Variants in NFX1 observed in about 807,000 individuals in gnomAD.
The protein encoded by NFX1 is transcriptional repressor NF-X1.
Under a neutral mutation model 137.2 loss-of-function variants are expected in NFX1, and 69 were observed. That is an observed-to-expected ratio of 0.50 (90% CI 0.41 to 0.61). The LOEUF (loss-of-function observed/expected upper bound fraction) is 0.61. NFX1 is among the 20% of genes least tolerant of loss of function. NFX1 has a pLI of 0.00. For missense variants in NFX1, 1,167 were observed against 1,391.0 expected, an observed-to-expected ratio of 0.84 and a Z score of 2.56; for synonymous variants, 495 against 474.1, an observed-to-expected ratio of 1.04 and a Z score of -0.57.
chr9:33,350,052 C>T (rs1823579422), intron 15 of NFX1, among the ~76,000 whole-genome samples: 1 of 152,026 alleles, frequency 6.6e-6, no homozygotes, highest in African/African-American at 2.4e-5. Context: ...GCCTGTAATC[C>T]CAACACTTTG....
intron 11 of NFX1, among the ~76,000 whole-genome samples, chr9:33,336,156 A>G (rs899618248): frequency 4.6e-5 from 7 of 152,090 alleles, no homozygotes; most frequent in African/African-American, 1.7e-4. Flanking sequence ...TCCTACCATC[A>G]GTGTATGAGG....
intron 21 of NFX1, chr9:33,365,269 T>G (rs1824136583): frequency 6.5e-6 from 1 of 153,840 alleles, no homozygotes; most frequent in African/African-American, 2.4e-5. Context: ...AGTGAAACTC[T>G]GTCTCAAAAA....
chr9:33,347,065 A>G lies in NFX1; in HGVS notation c.2372A>G (p.Lys791Arg), dbSNP rs781424720. 17 of 1,613,568 alleles carry G rather than the reference A, an allele frequency of 1.1e-5. No individual in the cohort carries two copies. The African/African-American group carries it at 2.0e-4, about 19-fold the overall frequency. ...PVYHSCHSEEKCPPCTFLTQK... is the reference protein window; with the variant it reads ...PVYHSCHSEERCPPCTFLTQK... ...TATCATTCTTGTCATAGTGAGGAGA[A>G]GTGTCCCCCTTGCACTTTCCTAACT... Residue 791 changes from lysine (K) to arginine (R), a missense_variant, in exon 15 of 24, where the codon AAG becomes AGG. Physicochemically the swap from Lys to Arg is conservative, Grantham distance 26. Transcript: ENST00000379540.
chr9:33,335,939 A>C (rs1254594421), intron 11 of NFX1, among the ~76,000 whole-genome samples: 1 of 152,168 alleles, frequency 6.6e-6, no homozygotes, highest in Non-Finnish European at 1.5e-5. Context: ...TCACTGGTTG[A>C]TGGATATTAG....
intron 7 of NFX1, among the ~76,000 whole-genome samples, chr9:33,315,742 A>T (rs1587833547): frequency 2.0e-5 from 3 of 151,568 alleles, no homozygotes; most frequent in South Asian, 4.2e-4. Context: ...AAAAAAAAAA[A>T]TTAGCCAGAC....
intron 15 of NFX1, chr9:33,348,179 C>G (rs1823502007): frequency 6.6e-6 from 1 of 151,994 alleles, no homozygotes; most frequent in South Asian, 2.1e-4. Flanking sequence ...TGAGACCCCC[C>G]CCATCTCTAC....
At chr9:33,331,769 G>A (rs1205258544) in intron 10 of NFX1, among the ~76,000 whole-genome samples, 1 of 149,062 alleles carries the variant, frequency 6.7e-6, no homozygotes, top group Admixed American at 6.7e-5. Context: ...CTGAGTACAT[G>A]GCAACCTGTA....
chr9:33,315,068 C>CT (rs1822107669), intron 7 of NFX1, among the ~76,000 whole-genome samples: 2 of 151,938 alleles, frequency 1.3e-5, no homozygotes, highest in Admixed American at 6.6e-5. Context: ...ACAGAAGAAT[C>CT]TAATTTTATA....
intron 14 of NFX1, among the ~76,000 whole-genome samples, chr9:33,345,275 G>C (rs1320436537): frequency 6.6e-6 from 1 of 152,114 alleles, no homozygotes; most frequent in Non-Finnish European, 1.5e-5. Flanking sequence ...TCAGGAGGTT[G>C]AGACCAGTCT....
At position 33,369,818 on chromosome 9, in the gene NFX1, G is replaced by T; in HGVS notation, c.3291-88G>T. 4.4e-6 allele frequency: 4 copies of T among 908,198 alleles called. No homozygotes were observed. In the Admixed American group the frequency reaches 7.1e-5, roughly 16 times the overall value. The allele number at this position is 908,198 out of a possible 1,614,324, so 56.3% of individuals were successfully genotyped here. On this transcript the variant is annotated intron_variant, in intron 23 of 23. Coordinates refer to ENST00000379540, the MANE Select transcript of NFX1 (RefSeq NM_002504.6). ...AATAAATGTTTAAGATTCACAAATG[G>T]TAAATCAGCTGATCCTTAACTTTCT...
chr9:33,362,985 T>A (rs547551978), intron 19 of NFX1, among the ~76,000 whole-genome samples: 1 of 152,012 alleles, frequency 6.6e-6, no homozygotes, highest in Admixed American at 6.5e-5. Flanking sequence ...ATTACAGGCG[T>A]GAGCCACCGT....
chr9:33,340,037 C>T (rs973548526), intron 12 of NFX1, among the ~76,000 whole-genome samples: 2 of 152,194 alleles, frequency 1.3e-5, no homozygotes, highest in African/African-American at 4.8e-5. Flanking sequence ...AGTGGATCTC[C>T]CATTCTGGGG....
chr9:33,352,380 A>G lies in NFX1; in HGVS notation c.2656-266A>G, dbSNP rs1270690350. On this transcript the variant is annotated intron_variant, in intron 16 of 23. Coordinates refer to ENST00000379540, the MANE Select transcript of NFX1 (RefSeq NM_002504.6). Reference sequence around the variant, plus strand: ...GCAAGTGTCTGTCTCTGATGGTACAAACTTCATCCTAGGCCTGCCCCTTCA... The same window carrying G: ...GCAAGTGTCTGTCTCTGATGGTACAGACTTCATCCTAGGCCTGCCCCTTCA... 7 of 574,618 alleles carry G rather than the reference A, an allele frequency of 1.2e-5. No homozygotes were observed. The East Asian group carries it at 2.4e-4, about 20-fold the overall frequency. 35.6% of individuals were successfully genotyped at this position (574,618 alleles called of 1,614,324 possible). A position where few individuals can be genotyped will look rare whatever the true frequency, so the allele number is the denominator to read the frequency against.
rs145891696 is a variant in NFX1 at position 33,345,820 on chromosome 9, C to G, written c.2345-1218C>G. 3.6e-3 allele frequency among the ~76,000 whole-genome samples: 551 copies of G among 152,340 alleles called. 6 individuals carry two copies. Among genetic ancestry groups the G allele is most frequent in the African/African-American group, 0.012 (513 of 41,572 alleles). On this transcript the variant is annotated intron_variant, in intron 14 of 23. Transcript: ENST00000379540. ...ACATTTTAGTGTTTTCAGTTTTCCT[C>G]TGATAAACTGCTCAGATACCAGGCC...
At chr9:33,322,953 CAGCAA>C (rs1822441815) in intron 9 of NFX1, among the ~76,000 whole-genome samples, 1 of 152,234 alleles carries the variant, frequency 6.6e-6, no homozygotes, top group East Asian at 1.9e-4. Flanking sequence ...CAAAGACTTA[CAGCAA>C]AGACTATTCC....
At chr9:33,365,739 C>T (rs1277180660) in intron 21 of NFX1, 1 of 152,238 alleles carries the variant, frequency 6.6e-6, no homozygotes, top group Non-Finnish European at 1.5e-5. Flanking sequence ...GGAAGACACT[C>T]TAGCCCCTCA....
At chr9:33,345,226 C>T (rs1386253066) in intron 14 of NFX1, among the ~76,000 whole-genome samples, 1 of 150,854 alleles carries the variant, frequency 6.6e-6, no homozygotes, top group Non-Finnish European at 1.5e-5. Flanking sequence ...CCTGTAATCC[C>T]AGCACTTTGG....
At chr9:33,313,861 G>C (rs973219124) in intron 7 of NFX1, 68 bp downstream of exon 7, 1 of 1,499,924 alleles carries the variant, frequency 6.7e-7, no homozygotes, top group East Asian at 2.3e-5. Flanking sequence ...TGATTGTCTT[G>C]ATAAACTTTG....
Position 33,351,761 on chromosome 9 carries a change from C to T in NFX1, c.2626C>T (p.Pro876Ser), listed in dbSNP as rs764103006. The T allele has an allele frequency of 6.2e-7, 1 of 1,600,924 alleles. No homozygotes were observed. The highest frequency in any genetic ancestry group is 1.1e-5 in the South Asian group (1 of 88,756). The change falls in exon 16 of 24, where the codon CCC becomes TCC. Residue 876 changes from proline to serine, a missense_variant. Pro to Ser is a moderately conservative substitution (Grantham distance 74). Around this residue, in one of 3 missense-constraint regions of NFX1, gnomAD observed 312 missense variants for 312.8 expected, o/e 1.00. Transcript: ENST00000379540. ...PCMAPCHTSS[P>S]CPVTACKAKV... ...TATGGCACCCTGCCATACCAGCTCA[C>T]CCTGCCCTGTGACTGCTTGTAAAGC...
Sources: gnomAD v4.1 joint callset for allele counts (sites outside exome capture counted in the v4.1 genomes callset) on GRCh38, gnomAD v4.1.1 for gene constraint, gnomAD v4.1.1 regional missense constraint, MANE v1.5 for transcripts, NCBI Gene and HGNC (gene_info 2026-07-23, HGNC 2026-07-21) for gene names.